ANO3: variants seen among roughly 807,000 people sequenced by gnomAD.
ANO3 encodes anoctamin-3.
ANO3 carries 99 observed loss-of-function variants against 144.8 expected under a neutral mutation model. The observed-to-expected ratio is 0.68, with a 90% CI of 0.58 to 0.81. The LOEUF (loss-of-function observed/expected upper bound fraction) is 0.81, where lower values mean the gene tolerates loss of function less well. ANO3 is among the 30% of genes least tolerant of loss of function. The pLI is 0.00. For missense variants in ANO3, 905 were observed against 1,202.2 expected (o/e 0.75, Z 3.66); for synonymous variants, 414 against 392.6 (o/e 1.05, Z -0.64).
intron 1 of ANO3, among the ~76,000 whole-genome samples, chr11:26,438,607 AAG>A (rs1491046821): frequency 1.4e-4 from 18 of 125,428 alleles, no homozygotes; most frequent in Admixed American, 3.2e-4. Flanking sequence ...AAAAAAAAAA[AAG>A]AAAAAAAAAA....
chr11:26,555,890 G>C (rs1366166784), intron 13 of ANO3, among the ~76,000 whole-genome samples: 1 of 151,932 alleles, frequency 6.6e-6, no homozygotes, highest in Non-Finnish European at 1.5e-5. Flanking sequence ...AAAATCATCT[G>C]GACACATGAT....
At chr11:26,206,859 G>A (rs1460158043) in intron 1 of ANO3, among the ~76,000 whole-genome samples, 1 of 152,052 alleles carries the variant, frequency 6.6e-6, no homozygotes, top group East Asian at 1.9e-4. Flanking sequence ...GTTTATTATA[G>A]GTAATTTCTA....
chr11:26,250,737 T>C (rs1438064820), intron 1 of ANO3, among the ~76,000 whole-genome samples: 1 of 152,256 alleles, frequency 6.6e-6, no homozygotes, highest in Non-Finnish European at 1.5e-5. Flanking sequence ...ATAAATGTGA[T>C]AGTATATGAG....
chr11:26,223,926 C>A (rs936399228), intron 1 of ANO3, among the ~76,000 whole-genome samples: 8 of 152,122 alleles, frequency 5.3e-5, no homozygotes, highest in South Asian at 2.1e-4. Flanking sequence ...CCCCCATGAC[C>A]AAAACACCTC....
At chr11:26,462,128 ATTGT>A (rs1859417855) in intron 3 of ANO3, among the ~76,000 whole-genome samples, 1 of 151,992 alleles carries the variant, frequency 6.6e-6, no homozygotes, top group Non-Finnish European at 1.5e-5. Context: ...TATAAACAAA[ATTGT>A]TTTTCCTCTG....
intron 7 of ANO3, 106 bp downstream of exon 7, chr11:26,525,785 A>C (rs1447465661): frequency 3.9e-6 from 3 of 778,362 alleles, no homozygotes; most frequent in Admixed American, 6.3e-5. Flanking sequence ...AGGAAGAAAA[A>C]TTCTATTGAT....
At chr11:26,574,728 T>C (rs1850943196) in intron 14 of ANO3, among the ~76,000 whole-genome samples, 1 of 152,162 alleles carries the variant, frequency 6.6e-6, no homozygotes, top group African/African-American at 2.4e-5. Context: ...TGGTTGTTTA[T>C]TATTCAAGTT....
At chr11:26,590,103 G>T (rs190827065) in intron 14 of ANO3, among the ~76,000 whole-genome samples, 1 of 152,172 alleles carries the variant, frequency 6.6e-6, no homozygotes, top group Admixed American at 6.5e-5. Flanking sequence ...TGCTTTGAGG[G>T]TTAAAGGATA....
intron 1 of ANO3, among the ~76,000 whole-genome samples, chr11:26,338,479 T>A (rs865991216): frequency 2.0e-5 from 3 of 150,910 alleles, no homozygotes; most frequent in Non-Finnish European, 4.5e-5. Context: ...ATCAGCAGAA[T>A]GTGGGAGGGG....
intron 1 of ANO3, among the ~76,000 whole-genome samples, chr11:26,396,799 G>C (rs562521771): frequency 9.9e-5 from 15 of 151,912 alleles, no homozygotes; most frequent in Non-Finnish European, 1.8e-4. Flanking sequence ...GTCAGGTGGT[G>C]GGGGACTAGG....
chr11:26,583,631 G>C (rs1312213944), intron 14 of ANO3, among the ~76,000 whole-genome samples: 1 of 152,182 alleles, frequency 6.6e-6, no homozygotes, highest in African/African-American at 2.4e-5. Flanking sequence ...ATTTTCCCCA[G>C]GCATGGAGAT....
intron 14 of ANO3, chr11:26,563,393 CTCTGTGTGTGTGTG>C (rs1300679838): frequency 4.8e-6 from 4 of 825,570 alleles, no homozygotes; most frequent in Non-Finnish European, 6.8e-6. Context: ...GTGTTTCTCT[CTCTGTGTGTGTGTG>C]TGTGTGTGTG....
At chr11:26,465,297 T>TAGAC (rs779065671) in intron 4 of ANO3, among the ~76,000 whole-genome samples, 2 of 151,480 alleles carry the variant, frequency 1.3e-5, no homozygotes, top group African/African-American at 2.4e-5. Context: ...GATAGATAGA[T>TAGAC]AGATAGATAG....
intron 4 of ANO3, among the ~76,000 whole-genome samples, chr11:26,497,997 T>G (rs1861035739): frequency 6.6e-6 from 1 of 151,944 alleles, no homozygotes; most frequent in Non-Finnish European, 1.5e-5. Flanking sequence ...TAAGTAGAGT[T>G]TGTGTAGAAA....
intron 17 of ANO3, among the ~76,000 whole-genome samples, chr11:26,601,264 T>C (rs772619259): frequency 2.6e-5 from 4 of 152,220 alleles, no homozygotes; most frequent in Non-Finnish European, 4.4e-5. Flanking sequence ...ATGTGATTGA[T>C]ACTCATGTTA....
At chr11:26,513,276 C>T (rs931557936) in intron 5 of ANO3, among the ~76,000 whole-genome samples, 2 of 152,054 alleles carry the variant, frequency 1.3e-5, no homozygotes, top group African/African-American at 2.4e-5. Context: ...TGGCATGACC[C>T]GACTTACATT....
At chr11:26,615,028 A>G (rs1852210461) in intron 17 of ANO3, among the ~76,000 whole-genome samples, 2 of 151,522 alleles carry the variant, frequency 1.3e-5, no homozygotes, top group African/African-American at 2.4e-5. Context: ...ATTCTATAAA[A>G]AGAATATAAC....
chr11:26,554,630 C>T (rs577133895), intron 13 of ANO3, among the ~76,000 whole-genome samples: 2 of 152,244 alleles, frequency 1.3e-5, no homozygotes, highest in South Asian at 2.1e-4. Context: ...AATTCTAATG[C>T]TCTTTCTGTG....
intron 4 of ANO3, among the ~76,000 whole-genome samples, chr11:26,506,364 A>T (rs1433631760): frequency 6.6e-6 from 1 of 152,166 alleles, no homozygotes; most frequent in Non-Finnish European, 1.5e-5. Flanking sequence ...ATGTCACTTA[A>T]CCTCTTTGGC....
Sources: allele counts gnomAD v4.1 joint callset (sites outside exome capture counted in the v4.1 genomes callset), GRCh38; gene constraint gnomAD v4.1.1; transcripts MANE v1.5; gene names NCBI Gene and HGNC (gene_info 2026-07-23, HGNC 2026-07-21).